The following SPAG16 variants were observed in gnomAD, a reference collection of about 807,000 sequenced individuals.
SPAG16 encodes sperm-associated antigen 16 protein.
Under a neutral mutation model 80.4 loss-of-function variants are expected in SPAG16, and 86 were observed. The ratio of observed to expected loss-of-function variants is 1.07; its 90% CI spans 0.90 to 1.28. SPAG16 has a LOEUF of 1.28. Among genes scored for constraint, SPAG16 ranks in the 50% most tolerant of loss-of-function variants. The probability of loss-of-function intolerance (pLI) is 0.00; values close to 1 mark genes in which losing one functional copy is unlikely to be tolerated. For synonymous variants in SPAG16, 294 were observed against 265.9 expected, an observed-to-expected ratio of 1.11 and a Z score of -1.03; for missense variants, 870 against 765.3, an observed-to-expected ratio of 1.14 and a Z score of -1.61.
At chr2:214,126,041 TCCTTCCTTCCTTCCTTC>T (rs1559823063) in intron 14 of SPAG16, among the ~76,000 whole-genome samples, 2 of 42,202 alleles carry the variant, frequency 4.7e-5, no homozygotes, top group Non-Finnish European at 9.4e-5. Context: ...CTTCCTTCCT[TCCTTCCTTCCTTCCTTC>T]CTTTTTTTTT....
chr2:213,987,640 A>C (rs2046078025), intron 12 of SPAG16, among the ~76,000 whole-genome samples: 1 of 151,886 alleles, frequency 6.6e-6, no homozygotes, highest in Non-Finnish European at 1.5e-5. Context: ...CACTTGGCCG[A>C]TATTTAATTT....
chr2:213,585,520 G>T (rs1352799962), intron 10 of SPAG16, among the ~76,000 whole-genome samples: 1 of 152,020 alleles, frequency 6.6e-6, no homozygotes, highest in Non-Finnish European at 1.5e-5. Context: ...CAGGTGATCT[G>T]CTCACCATGG....
intron 10 of SPAG16, among the ~76,000 whole-genome samples, chr2:213,543,492 T>G (rs1361182579): frequency 6.6e-6 from 1 of 152,012 alleles, no homozygotes; most frequent in Admixed American, 6.5e-5. Context: ...CTTTCCCCAT[T>G]CCTAGGTAAA....
At chr2:213,726,732 C>T (rs1341755674) in intron 10 of SPAG16, among the ~76,000 whole-genome samples, 1 of 152,184 alleles carries the variant, frequency 6.6e-6, no homozygotes, top group East Asian at 1.9e-4. Context: ...TTAATGTGAT[C>T]ACACTCATAT....
chr2:213,963,429 A>G (rs537305033), intron 12 of SPAG16, among the ~76,000 whole-genome samples: 92 of 152,276 alleles, frequency 6.0e-4, no homozygotes, highest in Middle Eastern at 3.4e-3. Context: ...TAATTTCTTT[A>G]AACTTTACTA....
At chr2:213,716,447 A>G (rs575256846) in intron 10 of SPAG16, among the ~76,000 whole-genome samples, 2 of 152,338 alleles carry the variant, frequency 1.3e-5, no homozygotes, top group African/African-American at 4.8e-5. Context: ...TGGATTTAAG[A>G]AGATAATTAT....
chr2:213,472,002 T>C (rs1023992453), intron 9 of SPAG16, among the ~76,000 whole-genome samples: 1 of 152,226 alleles, frequency 6.6e-6, no homozygotes, highest in Non-Finnish European at 1.5e-5. Context: ...TCTTCTGGCA[T>C]GCAAATATAT....
At chr2:213,888,816 T>C (rs2076666904) in intron 11 of SPAG16, among the ~76,000 whole-genome samples, 1 of 151,766 alleles carries the variant, frequency 6.6e-6, no homozygotes, top group Non-Finnish European at 1.5e-5. Flanking sequence ...GACTAGAAAA[T>C]AAAAACATAT....
At chr2:214,222,313 C>T (rs1408189895) in intron 15 of SPAG16, among the ~76,000 whole-genome samples, 2 of 152,038 alleles carry the variant, frequency 1.3e-5, no homozygotes, top group South Asian at 2.1e-4. Flanking sequence ...GATGGGGTTT[C>T]ACCATGTTGG....
At chr2:213,367,228 A>C (rs1053042302) in intron 8 of SPAG16, among the ~76,000 whole-genome samples, 5 of 74,622 alleles carry the variant, frequency 6.7e-5, no homozygotes, top group African/African-American at 2.3e-4. Context: ...TGCTATTGTG[A>C]ATAGTGCCGC....
intron 9 of SPAG16, among the ~76,000 whole-genome samples, chr2:213,471,467 G>A (rs991262291): frequency 2.0e-5 from 3 of 152,100 alleles, no homozygotes; most frequent in East Asian, 1.9e-4. Context: ...ATAGTCAAAC[G>A]TTCAGTTTCC....
At chr2:213,421,025 A>G (rs2069550889) in intron 9 of SPAG16, among the ~76,000 whole-genome samples, 1 of 152,222 alleles carries the variant, frequency 6.6e-6, no homozygotes, top group Admixed American at 6.5e-5. Context: ...GCATCCTCCC[A>G]GAGCCAGCAG....
intron 11 of SPAG16, among the ~76,000 whole-genome samples, chr2:213,925,842 C>T (rs2078446425): frequency 6.6e-6 from 1 of 152,160 alleles, no homozygotes; most frequent in African/African-American, 2.4e-5. Flanking sequence ...GTGTTTCTAA[C>T]ACATATTTAT....
chr2:213,477,145 T>C (rs2073448161), intron 9 of SPAG16, among the ~76,000 whole-genome samples: 1 of 152,032 alleles, frequency 6.6e-6, no homozygotes, highest in Non-Finnish European at 1.5e-5. Context: ...GTAGATAAGA[T>C]GGGGATGGCA....
intron 10 of SPAG16, among the ~76,000 whole-genome samples, chr2:213,543,777 A>G (rs911790109): frequency 2.0e-5 from 3 of 152,136 alleles, no homozygotes; most frequent in South Asian, 2.1e-4. Context: ...TAAACTCTTC[A>G]TGCACTTTTA....
intron 12 of SPAG16, among the ~76,000 whole-genome samples, chr2:213,973,890 T>C (rs936368840): frequency 6.6e-6 from 1 of 152,094 alleles, no homozygotes; most frequent in Non-Finnish European, 1.5e-5. Flanking sequence ...CAAAGTACTG[T>C]AGGACGTATG....
chr2:213,974,447 A>G (rs2045251218), intron 12 of SPAG16, among the ~76,000 whole-genome samples: 1 of 151,974 alleles, frequency 6.6e-6, no homozygotes. Context: ...GACACCTAAG[A>G]TTTTTAAAAT....
intron 12 of SPAG16, among the ~76,000 whole-genome samples, chr2:213,936,645 A>G (rs2079000927): frequency 6.6e-6 from 1 of 152,208 alleles, no homozygotes; most frequent in Admixed American, 6.5e-5. Flanking sequence ...GAAAGAGGAA[A>G]CAAATGACCT....
intron 9 of SPAG16, among the ~76,000 whole-genome samples, chr2:213,446,643 A>G (rs748285076): frequency 6.6e-6 from 1 of 152,094 alleles, no homozygotes; most frequent in Admixed American, 6.6e-5. Flanking sequence ...CTACTACACA[A>G]AATTATTCTT....
Sources: allele counts gnomAD v4.1 joint callset (sites outside exome capture counted in the v4.1 genomes callset), GRCh38; gene constraint gnomAD v4.1.1; transcripts MANE v1.5; gene names NCBI Gene and HGNC (gene_info 2026-07-23, HGNC 2026-07-21).